The following IGSF11 variants were observed in gnomAD, a reference collection of about 807,000 sequenced individuals.
IGSF11 encodes immunoglobulin superfamily member 11, also known as CXADR like 1.
IGSF11 carries 22 observed loss-of-function variants against 41.0 expected under a neutral mutation model. That is an observed-to-expected ratio of 0.54 (90% CI 0.38 to 0.77). The LOEUF (loss-of-function observed/expected upper bound fraction) is 0.77, where lower values mean the gene tolerates loss of function less well. Among genes scored for constraint, IGSF11 ranks in the 30% least tolerant of loss-of-function variants. The probability of loss-of-function intolerance (pLI) is 0.00; values close to 1 mark genes in which losing one functional copy is unlikely to be tolerated. For missense variants in IGSF11, 444 were observed against 530.8 expected (o/e 0.84, Z 1.61); for synonymous variants, 219 against 201.3 (o/e 1.09, Z -0.74).
intron 4 of IGSF11, among the ~76,000 whole-genome samples, chr3:118,915,554 G>GA (rs1940985430): frequency 3.6e-5 from 1 of 28,160 alleles, no homozygotes; most frequent in Non-Finnish European, 5.9e-5. Context: ...GAAGTTTAGA[G>GA]AAAAAAGAAT....
At chr3:118,919,719 A>G (rs1402651863) in intron 4 of IGSF11, among the ~76,000 whole-genome samples, 4 of 110,148 alleles carry the variant, frequency 3.6e-5, no homozygotes, top group South Asian at 3.9e-4. Flanking sequence ...TCAGGGATCT[A>G]GAACTAGAAA....
In IGSF11 at chr3:119,034,765, C is replaced by T. The variant is rs1940785769; in HGVS notation, c.-183G>A. Reference sequence around the variant, plus strand: ...AGACGAGCCAAGTGCAGCTGCAGCGCCGCCCGGCTCCGCGGACGCTGAGCT... The same window carrying T: ...AGACGAGCCAAGTGCAGCTGCAGCGTCGCCCGGCTCCGCGGACGCTGAGCT... On this transcript the variant is annotated 5_prime_UTR_variant, in exon 1 of 7. Transcript: ENST00000393775. 7.6e-7 allele frequency: 1 copy of T among 1,310,202 alleles called. No homozygotes were observed. Among genetic ancestry groups the T allele is most frequent in the African/African-American group, 1.5e-5 (1 of 64,974 alleles). 81.2% of individuals were successfully genotyped at this position (1,310,202 alleles called of 1,614,324 possible). A position where few individuals can be genotyped will look rare whatever the true frequency, so the allele number is the denominator to read the frequency against.
chr3:119,055,029 T>C (rs7622727), intron 1 of IGSF11, among the ~76,000 whole-genome samples: 30,433 of 152,102 alleles, frequency 0.2, 4,102 homozygotes, highest in African/African-American at 0.38. Flanking sequence ...CCAATATCCG[T>C]TGTTCTGCAG....
At chr3:119,034,964 C>T, upstream of IGSF11, 1 of 496,622 alleles carries the variant, frequency 2.0e-6, no homozygotes, top group Non-Finnish European at 2.7e-6. Context: ...CCAGGGCAAC[C>T]GCGGCTCCAG....
At chr3:118,911,883 G>A (rs1008167892) in intron 4 of IGSF11, among the ~76,000 whole-genome samples, 2 of 151,992 alleles carry the variant, frequency 1.3e-5, no homozygotes, top group Non-Finnish European at 2.9e-5. Flanking sequence ...GGACCATGGT[G>A]ATATTTAAGA....
At chr3:119,036,453 A>G (rs1436780544), upstream of IGSF11, among the ~76,000 whole-genome samples, 1 of 152,190 alleles carries the variant, frequency 6.6e-6, no homozygotes, top group Non-Finnish European at 1.5e-5. Context: ...AAGCAATATA[A>G]GAAGAAAAAC....
chr3:119,010,692 C>T (rs1318901310), intron 1 of IGSF11, among the ~76,000 whole-genome samples: 1 of 152,212 alleles, frequency 6.6e-6, no homozygotes, highest in East Asian at 1.9e-4. Context: ...AACTGACCAA[C>T]AGTAGATCAT....
At chr3:119,081,217 T>G (rs2076581393) in intron 1 of IGSF11, among the ~76,000 whole-genome samples, 1 of 152,166 alleles carries the variant, frequency 6.6e-6, no homozygotes, top group South Asian at 2.1e-4. Flanking sequence ...GTTTCTCTTT[T>G]GCTCATTTTT....
At chr3:118,964,861 C>T (rs1408351915) in intron 1 of IGSF11, among the ~76,000 whole-genome samples, 3 of 152,138 alleles carry the variant, frequency 2.0e-5, no homozygotes, top group Non-Finnish European at 4.4e-5. Flanking sequence ...TAGTTAGCCT[C>T]AGAATACAAT....
chr3:119,129,517 C>T (rs1450010022), intron 1 of IGSF11, among the ~76,000 whole-genome samples: 1 of 151,840 alleles, frequency 6.6e-6, no homozygotes, highest in African/African-American at 2.4e-5. Context: ...ATAGAAACAA[C>T]AAAAAGTTAA....
In IGSF11 at chr3:119,074,676, C is replaced by A. The variant is rs979678893; in HGVS notation, c.49+30468G>T. Among the ~76,000 whole-genome samples, 5 of 151,236 alleles carry A rather than the reference C, an allele frequency of 3.3e-5. No individual in the cohort carries two copies. The South Asian group carries it at 6.3e-4, about 19-fold the overall frequency. On this transcript the variant is annotated intron_variant, in intron 1 of 6. Transcript: ENST00000354673. Reference sequence around the variant, plus strand: ...TGAGACTATCCTGTGAATGGTGAAACCCTGTCTCTACTAAAAATACAAAAA... The same window carrying A: ...TGAGACTATCCTGTGAATGGTGAAAACCTGTCTCTACTAAAAATACAAAAA...
In IGSF11 at chr3:118,928,505, T is replaced by C; in HGVS notation, c.424+4A>G. 1.9e-6 allele frequency: 3 copies of C among 1,611,084 alleles called. No individual in the cohort carries two copies. The highest frequency in any genetic ancestry group is 2.5e-6 in the Non-Finnish European group (3 of 1,178,712). ...GAACAGCCAAGGACTCTTGTGTCAC[T>C]CACCTAACACTGTGAGACCGGTGAC... On this transcript the variant is annotated splice_donor_region_variant and intron_variant, in intron 3 of 6. Coordinates refer to ENST00000393775, the MANE Select transcript of IGSF11 (RefSeq NM_001015887.3).
At chr3:118,975,023 C>T (rs1488771483) in intron 1 of IGSF11, among the ~76,000 whole-genome samples, 1 of 152,006 alleles carries the variant, frequency 6.6e-6, no homozygotes, top group African/African-American at 2.4e-5. Context: ...CAAAACAAGC[C>T]TAGAAATAGC....
Position 118,928,273 on chromosome 3 carries a change from T to C in IGSF11, c.424+236A>G, listed in dbSNP as rs573717600. ...CTGATGGTATTTGATACCATCTTTC[T>C]TCACCTTCAGAAGAAAGTCATTAAA... On this transcript the variant is annotated intron_variant, in intron 3 of 6. Transcript: ENST00000393775. 2.6e-5 allele frequency among the ~76,000 whole-genome samples: 4 copies of C among 152,340 alleles called. No individual in the cohort carries two copies. The East Asian group carries it at 7.7e-4, about 29-fold the overall frequency.
At chr3:119,004,398 C>T (rs1281755306) in intron 1 of IGSF11, among the ~76,000 whole-genome samples, 1 of 151,314 alleles carries the variant, frequency 6.6e-6, no homozygotes, top group African/African-American at 2.4e-5. Flanking sequence ...TTTTGTTGAT[C>T]CTTTCAAAAA....
chr3:118,970,762 A>C (rs1050449397), intron 1 of IGSF11, among the ~76,000 whole-genome samples: 25 of 152,234 alleles, frequency 1.6e-4, no homozygotes, highest in African/African-American at 5.8e-4. Context: ...AAAAAAAAAA[A>C]AAAACCACAA....
At chr3:119,044,596 A>T (rs1400140678) in intron 1 of IGSF11, among the ~76,000 whole-genome samples, 1 of 152,198 alleles carries the variant, frequency 6.6e-6, no homozygotes, top group African/African-American at 2.4e-5. Context: ...ATCATCACCT[A>T]GGCACAGAGT....
intron 1 of IGSF11, among the ~76,000 whole-genome samples, chr3:118,963,219 C>A (rs1387896065): frequency 6.6e-6 from 1 of 152,198 alleles, no homozygotes; most frequent in South Asian, 2.1e-4. Context: ...AAACTCAACA[C>A]TATGTATCCT....
chr3:119,086,074 C>T (rs1020985074), intron 1 of IGSF11, among the ~76,000 whole-genome samples: 3 of 152,124 alleles, frequency 2.0e-5, no homozygotes, highest in Admixed American at 6.6e-5. Context: ...ATGGCATATG[C>T]ACTATGGAGA....
Sources: gnomAD v4.1 joint callset for allele counts (sites outside exome capture counted in the v4.1 genomes callset) on GRCh38, gnomAD v4.1.1 for gene constraint, MANE v1.5 for transcripts, NCBI Gene and HGNC (gene_info 2026-07-23, HGNC 2026-07-21) for gene names.